The following NFAT5 variants were observed in gnomAD, a reference collection of about 807,000 sequenced individuals.
NFAT5 encodes the protein nuclear factor of activated T cells 5, also known as nuclear factor of activated T-cells 5.
A neutral mutation model predicts 166.5 loss-of-function variants in NFAT5; 31 were observed. The observed-to-expected ratio is 0.19, with a 90% CI of 0.14 to 0.25. The LOEUF (loss-of-function observed/expected upper bound fraction) is 0.25, where lower values mean the gene tolerates loss of function less well. Among genes scored for constraint, NFAT5 ranks in the 10% least tolerant of loss-of-function variants. The pLI is 1.00. For missense variants in NFAT5, 1,449 were observed against 1,821.8 expected, an observed-to-expected ratio of 0.80 and a Z score of 3.72; for synonymous variants, 612 against 639.7, an observed-to-expected ratio of 0.96 and a Z score of 0.65.
At chr16:69,650,431 T>A (rs1038788864) in intron 4 of NFAT5, among the ~76,000 whole-genome samples, 7 of 152,122 alleles carry the variant, frequency 4.6e-5, no homozygotes, top group Non-Finnish European at 1.0e-4. Flanking sequence ...AAGATAGTTT[T>A]AAGAACTTCT....
Position 69,700,549 on chromosome 16 carries a change from C to G in NFAT5, c.*4198C>G, listed in dbSNP as rs892359533. ...AAATCACCATGGTTATACATTTTCA[C>G]CAGAAATAGTAATCTTACAATTTTT... On this transcript the variant is annotated 3_prime_UTR_variant, in exon 15 of 15. Transcript: ENST00000349945. 7 of 152,120 alleles carry G rather than the reference C, an allele frequency of 4.6e-5. No individual in the cohort carries two copies. The highest frequency in any genetic ancestry group is 6.6e-5 in the Admixed American group (1 of 15,260). 9.4% of individuals were successfully genotyped at this position (152,120 alleles called of 1,614,324 possible).
chr16:69,650,251 T>C (rs912209785), intron 4 of NFAT5, among the ~76,000 whole-genome samples: 2 of 152,068 alleles, frequency 1.3e-5, no homozygotes, highest in African/African-American at 4.8e-5. Flanking sequence ...TGGTTGTCAT[T>C]TAGAAGTAAA....
intron 2 of NFAT5, among the ~76,000 whole-genome samples, chr16:69,578,979 A>T (rs2031487682): frequency 6.6e-6 from 1 of 151,052 alleles, no homozygotes; most frequent in African/African-American, 2.4e-5. Context: ...GGCTCAAGTG[A>T]TTCTCCTGCT....
At position 69,693,155 on chromosome 16, in the gene NFAT5, C is replaced by G. The variant is rs752170360; in HGVS notation, c.3330C>G (p.Leu1110=). Reference sequence around the variant, plus strand: ...TTTCCCAGGAAACTCAAGGTTCTCTCTTTCATAGTCCAAATCCTATTGTCC... The same window carrying G: ...TTTCCCAGGAAACTCAAGGTTCTCTGTTTCATAGTCCAAATCCTATTGTCC... ...QNLSQETQGS[L]FHSPNPIVHS... The change falls in exon 13 of 15, where the codon CTC becomes CTG. Residue 1110 remains leucine, a synonymous_variant. Coordinates refer to ENST00000349945, the MANE Select transcript of NFAT5 (RefSeq NM_138713.4). 6.2e-7 allele frequency: 1 copy of G among 1,614,136 alleles called. No homozygotes were observed. The highest frequency in any genetic ancestry group is 1.1e-5 in the South Asian group (1 of 91,072).
chr16:69,615,044 ATTT>A (rs1266471315), intron 2 of NFAT5, among the ~76,000 whole-genome samples: 4 of 121,172 alleles, frequency 3.3e-5, no homozygotes, highest in Non-Finnish European at 3.5e-5. Context: ...TCCCAGCTAA[ATTT>A]TTTTTTTTTT....
At chr16:69,611,829 A>G (rs1179902729) in intron 2 of NFAT5, among the ~76,000 whole-genome samples, 1 of 152,224 alleles carries the variant, frequency 6.6e-6, no homozygotes. Flanking sequence ...CACTCAGACT[A>G]TAGCACCAGA....
At position 69,566,778 on chromosome 16, in the gene NFAT5, C is replaced by T. The variant is rs567073716; in HGVS notation, c.73+404C>T. ...ATCGGGGCGCCGCGTCTTCTCTTAC[C>T]GGGACCCTCCTCCCCAGCAAAGTTG... On this transcript the variant is annotated intron_variant, in intron 1 of 14. Transcript: ENST00000349945. The surrounding 1 kb of genome is among the most constrained non-coding windows in gnomAD (Gnocchi z 5.7). Among the ~76,000 whole-genome samples the T allele has an allele frequency of 1.4e-3, 218 of 152,284 alleles. No individual in the cohort carries two copies. The highest frequency in any genetic ancestry group is 2.8e-3 in the Non-Finnish European group (191 of 68,014).
At chr16:69,663,651 C>T (rs1462223720) in intron 7 of NFAT5, among the ~76,000 whole-genome samples, 1 of 150,796 alleles carries the variant, frequency 6.6e-6, no homozygotes, top group Non-Finnish European at 1.5e-5. Context: ...AGGAAGATTG[C>T]TTGAAGCCAG....
At chr16:69,572,856 A>G (rs2016522679) in intron 2 of NFAT5, among the ~76,000 whole-genome samples, 1 of 152,044 alleles carries the variant, frequency 6.6e-6, no homozygotes, top group Admixed American at 6.6e-5. Flanking sequence ...TTATTTATTT[A>G]TTTTTGATAC....
intron 3 of NFAT5, among the ~76,000 whole-genome samples, chr16:69,634,035 T>TG (rs200993183): frequency 0.16 from 24,406 of 151,838 alleles, 2,142 homozygotes; most frequent in East Asian, 0.36. Context: ...CCCAGCACTT[T>TG]GGGGGGCCGA....
In NFAT5 at chr16:69,698,746, ATTT is replaced by A. The variant is rs1438408650; in HGVS notation, c.*2397_*2399del. On this transcript the variant is annotated 3_prime_UTR_variant, in exon 15 of 15. Coordinates refer to ENST00000349945, the MANE Select transcript of NFAT5 (RefSeq NM_138713.4). Reference sequence around the variant, plus strand: ...AGTCTTTGCTCACTATATATTTAATATTTTATTATTGTTGTTATTGTTATTATT... The same window carrying A: ...AGTCTTTGCTCACTATATATTTAATATATTATTGTTGTTATTGTTATTATT... The A allele has an allele frequency of 6.6e-6, 1 of 152,504 alleles. No individual in the cohort carries two copies. The highest frequency in any genetic ancestry group is 6.6e-5 in the Admixed American group (1 of 15,254). The allele number at this position is 152,504 out of a possible 1,614,324, so 9.4% of individuals were successfully genotyped here. A position where few individuals can be genotyped will look rare whatever the true frequency, so the allele number is the denominator to read the frequency against.
At chr16:69,614,924 T>C (rs1436440529) in intron 2 of NFAT5, among the ~76,000 whole-genome samples, 1 of 148,488 alleles carries the variant, frequency 6.7e-6, no homozygotes, top group Non-Finnish European at 1.5e-5. Flanking sequence ...TTACCCAGGC[T>C]GGAGTACAGT....
chr16:69,641,257 A>C (rs1285039180), intron 3 of NFAT5, among the ~76,000 whole-genome samples: 2 of 145,190 alleles, frequency 1.4e-5, no homozygotes, highest in African/African-American at 5.3e-5. Flanking sequence ...CAGCCTGGGC[A>C]ACAGAGTGAG....
chr16:69,635,769 A>T (rs1366929194), intron 3 of NFAT5, among the ~76,000 whole-genome samples: 1 of 152,124 alleles, frequency 6.6e-6, no homozygotes, highest in African/African-American at 2.4e-5. Flanking sequence ...ACCAGCCCCC[A>T]TGATTCACAA....
intron 3 of NFAT5, among the ~76,000 whole-genome samples, chr16:69,628,855 C>T (rs560934873): frequency 6.6e-6 from 1 of 152,270 alleles, no homozygotes. Flanking sequence ...GGCAGATCAC[C>T]TGAGGTCAGG....
rs186939119 is a variant in NFAT5 at position 69,697,038 on chromosome 16, G to A, written c.*687G>A. On this transcript the variant is annotated 3_prime_UTR_variant, in exon 15 of 15. Transcript: ENST00000349945. ...TTAGTTCTCTGGGTTTCTACTAAGG[G>A]GTTTAGCCATAACTGTGCATAGAAA... 6.6e-6 allele frequency: 1 copy of A among 152,514 alleles called. No individual in the cohort carries two copies. The highest frequency in any genetic ancestry group is 2.4e-5 in the African/African-American group (1 of 41,504). 9.4% of individuals were successfully genotyped at this position (152,514 alleles called of 1,614,324 possible).
intron 3 of NFAT5, chr16:69,644,822 C>A (rs1231895920): frequency 8.8e-6 from 4 of 455,142 alleles, no homozygotes; most frequent in Non-Finnish European, 1.8e-5. Flanking sequence ...TCATACTCTG[C>A]ATTCTCATGT....
intron 2 of NFAT5, among the ~76,000 whole-genome samples, chr16:69,601,823 C>T (rs1422544113): frequency 6.6e-6 from 1 of 152,164 alleles, no homozygotes; most frequent in Non-Finnish European, 1.5e-5. Context: ...GTTCTAAGTA[C>T]TTAAATTTGT....
rs1356321546 is a variant in NFAT5 at position 69,692,398 on chromosome 16, G to A, written c.2573G>A (p.Gly858Asp). The A allele has an allele frequency of 1.9e-6, 3 of 1,614,088 alleles. No individual in the cohort carries two copies. The highest frequency in any genetic ancestry group is 2.5e-6 in the Non-Finnish European group (3 of 1,180,042). Reference protein sequence around the residue: ...IFQQVSQIQSGVSPGMFSSTE... With the variant: ...IFQQVSQIQSDVSPGMFSSTE... Reference sequence around the variant, plus strand: ...CAACAAGTCAGTCAAATTCAGAGTGGTGTAAGCCCTGGAATGTTTTCCTCA... The same window carrying A: ...CAACAAGTCAGTCAAATTCAGAGTGATGTAAGCCCTGGAATGTTTTCCTCA... Residue 858 changes from glycine (G) to aspartate (D), a missense_variant, in exon 13 of 15, where the codon GGT becomes GAT. Physicochemically the swap from Gly to Asp is moderately conservative, Grantham distance 94. Transcript: ENST00000349945.
Sources: allele counts gnomAD v4.1 joint callset (sites outside exome capture counted in the v4.1 genomes callset), GRCh38; gene constraint gnomAD v4.1.1; non-coding constraint Gnocchi (gnomAD v3.1); transcripts MANE v1.5; gene names NCBI Gene and HGNC (gene_info 2026-07-23, HGNC 2026-07-21).